LRRC7: variants seen among roughly 807,000 people sequenced by gnomAD.
The protein encoded by LRRC7 is leucine-rich repeat-containing protein 7.
LRRC7 carries 23 observed loss-of-function variants against 175.7 expected under a neutral mutation model. That is an observed-to-expected ratio of 0.13 (90% CI 0.09 to 0.19). LRRC7 has a LOEUF of 0.19. Ranked by LOEUF, LRRC7 falls within the 10% of genes least tolerant of loss-of-function variation. LRRC7 has a pLI of 1.00. For synonymous variants in LRRC7, 685 were observed against 680.9 expected (o/e 1.01, Z -0.09); for missense variants, 1,354 against 1,904.7 (o/e 0.71, Z 5.38).
chr1:70,087,501 A>G (rs2102161261), intron 24 of LRRC7, among the ~76,000 whole-genome samples: 1 of 152,316 alleles, frequency 6.6e-6, no homozygotes, highest in South Asian at 2.1e-4. Flanking sequence ...TAATTAATAA[A>G]TAATAACAAA....
chr1:69,825,952 G>C (rs535339448), intron 5 of LRRC7, 126 bp downstream of exon 5: 1 of 526,172 alleles, frequency 1.9e-6, no homozygotes, highest in Non-Finnish European at 3.1e-6. Flanking sequence ...TTAATAGAAT[G>C]ATGGGAAAAA....
intron 2 of LRRC7, among the ~76,000 whole-genome samples, chr1:69,758,270 A>G (rs1303256294): frequency 6.6e-6 from 1 of 152,066 alleles, no homozygotes; most frequent in Non-Finnish European, 1.5e-5. Context: ...AAAGAACAGG[A>G]GTTGGAGAGA....
chr1:70,106,931 G>C (rs1434231886), intron 25 of LRRC7, among the ~76,000 whole-genome samples: 1 of 152,090 alleles, frequency 6.6e-6, no homozygotes, highest in African/African-American at 2.4e-5. Context: ...TTTACAATCT[G>C]TTATACCTCT....
In LRRC7 at chr1:69,568,505, A is replaced by C. The variant is rs1646414056; in HGVS notation, c.-135A>C. ...CTATCTCCTGTTCTTCCTACCTTCT[A>C]CTCCTTCCCTCCTCTTCTCCTCCGA... On this transcript the variant is annotated 5_prime_UTR_variant, in exon 1 of 27. Transcript: ENST00000651989. 19 of 650,486 alleles carry C rather than the reference A, an allele frequency of 2.9e-5. No individual in the cohort carries two copies. Among genetic ancestry groups the C allele is most frequent in the Non-Finnish European group, 3.7e-5 (16 of 432,104 alleles). The allele number at this position is 650,486 out of a possible 1,614,324, so 40.3% of individuals were successfully genotyped here. A position where few individuals can be genotyped will look rare whatever the true frequency, so the allele number is the denominator to read the frequency against.
At chr1:69,760,027 G>A in intron 2 of LRRC7, 164 bp from the exon 3 acceptor site, 1 of 713,862 alleles carries the variant, frequency 1.4e-6, no homozygotes, top group South Asian at 2.1e-5. Context: ...GTACTTCGCA[G>A]GGCTGTTTAA....
At chr1:69,833,071 C>T (rs1048828862) in intron 5 of LRRC7, among the ~76,000 whole-genome samples, 2 of 148,966 alleles carry the variant, frequency 1.3e-5, no homozygotes, top group African/African-American at 4.9e-5. Context: ...CACCATTGCA[C>T]TCTAGCCTGG....
At chr1:69,893,317 T>G (rs1244107355) in intron 7 of LRRC7, among the ~76,000 whole-genome samples, 1 of 152,224 alleles carries the variant, frequency 6.6e-6, no homozygotes, top group African/African-American at 2.4e-5. Context: ...TAACAAAATC[T>G]CAGACAGCTA....
chr1:69,702,429 C>T (rs867936744), intron 2 of LRRC7, among the ~76,000 whole-genome samples: 2 of 152,140 alleles, frequency 1.3e-5, no homozygotes, highest in Non-Finnish European at 2.9e-5. Context: ...GACAGTATTT[C>T]CAGGGATAAT....
intron 1 of LRRC7, among the ~76,000 whole-genome samples, chr1:69,573,541 G>T (rs1645823137): frequency 6.6e-6 from 1 of 152,064 alleles, no homozygotes; most frequent in African/African-American, 2.4e-5. Context: ...CATTATGGAA[G>T]TTTTCAATAA....
intron 1 of LRRC7, among the ~76,000 whole-genome samples, chr1:69,649,665 G>A (rs1655498927): frequency 6.6e-6 from 1 of 152,072 alleles, no homozygotes; most frequent in Non-Finnish European, 1.5e-5. Context: ...TTTGCTAATT[G>A]AAAAATGACT....
At chr1:69,952,154 T>C (rs1650005785) in intron 8 of LRRC7, among the ~76,000 whole-genome samples, 1 of 152,050 alleles carries the variant, frequency 6.6e-6, no homozygotes, top group Non-Finnish European at 1.5e-5. Context: ...TAAGATGTTA[T>C]ATAATATAAC....
Position 70,136,759 on chromosome 1 carries a change from T to C in LRRC7, c.*14872T>C, listed in dbSNP as rs1284372805. Among the ~76,000 whole-genome samples, 1 of 145,468 alleles carries C rather than the reference T, an allele frequency of 6.9e-6. No homozygotes were observed. Among genetic ancestry groups the C allele is most frequent in the Non-Finnish European group, 1.5e-5 (1 of 66,606 alleles). On this transcript the variant is annotated 3_prime_UTR_variant, in exon 27 of 27. Transcript: ENST00000651989. ...TTTTTTTTTTTTCTGAGACAGGGTCTTGCTCTGTCACCCAGGTTGGAGTGC... is the reference window on the plus strand; with the variant it reads ...TTTTTTTTTTTTCTGAGACAGGGTCCTGCTCTGTCACCCAGGTTGGAGTGC...
At chr1:69,655,307 C>T (rs543177089) in intron 1 of LRRC7, among the ~76,000 whole-genome samples, 17 of 152,170 alleles carry the variant, frequency 1.1e-4, no homozygotes, top group South Asian at 8.3e-4. Flanking sequence ...TCTACTACCA[C>T]GTAGGCGGCT....
intron 1 of LRRC7, among the ~76,000 whole-genome samples, chr1:69,603,153 A>G (rs758328463): frequency 1.9e-4 from 29 of 152,016 alleles, no homozygotes; most frequent in Non-Finnish European, 4.0e-4. Flanking sequence ...TCTTACATGG[A>G]TACTTATGAT....
At chr1:69,948,924 G>C (rs943859624) in intron 8 of LRRC7, among the ~76,000 whole-genome samples, 34 of 152,106 alleles carry the variant, frequency 2.2e-4, no homozygotes, top group African/African-American at 8.2e-4. Context: ...ACTCATATTA[G>C]AAGTCAGTGG....
chr1:69,835,852 T>A (rs1290573521), intron 6 of LRRC7, among the ~76,000 whole-genome samples: 1 of 152,008 alleles, frequency 6.6e-6, no homozygotes, highest in Non-Finnish European at 1.5e-5. Flanking sequence ...AAGTATTTTT[T>A]AAAATTCTTA....
At chr1:69,867,412 T>C (rs545012926) in intron 7 of LRRC7, among the ~76,000 whole-genome samples, 27 of 152,200 alleles carry the variant, frequency 1.8e-4, no homozygotes, top group Non-Finnish European at 3.4e-4. Flanking sequence ...AGGTACCTAG[T>C]ACAGAGCCAT....
At chr1:69,917,888 A>T (rs1327184848) in intron 7 of LRRC7, among the ~76,000 whole-genome samples, 1 of 152,162 alleles carries the variant, frequency 6.6e-6, no homozygotes, top group Non-Finnish European at 1.5e-5. Flanking sequence ...ATCTCAAAAA[A>T]ATCTGTTGAT....
At chr1:69,819,380 C>T (rs1678964348) in intron 4 of LRRC7, among the ~76,000 whole-genome samples, 2 of 151,942 alleles carry the variant, frequency 1.3e-5, no homozygotes, top group South Asian at 4.1e-4. Context: ...CAGTTTTCCT[C>T]TTGTTAGTGA....
Sources: allele counts gnomAD v4.1 joint callset (sites outside exome capture counted in the v4.1 genomes callset), GRCh38; gene constraint gnomAD v4.1.1; transcripts MANE v1.5; gene names NCBI Gene and HGNC (gene_info 2026-07-23, HGNC 2026-07-21).